Variants in EYA4 observed in about 807,000 individuals in gnomAD.
EYA4 encodes the protein EYA transcriptional coactivator and phosphatase 4, also known as protein phosphatase EYA4.
Under a neutral mutation model 87.9 loss-of-function variants are expected in EYA4, and 31 were observed. That is an observed-to-expected ratio of 0.35 (90% CI 0.27 to 0.48). The LOEUF (loss-of-function observed/expected upper bound fraction) is 0.48. EYA4 is among the 20% of genes least tolerant of loss of function. EYA4 has a pLI of 0.99. For synonymous variants in EYA4, 263 were observed against 270.6 expected (o/e 0.97, Z 0.28); for missense variants, 678 against 761.4 (o/e 0.89, Z 1.29).
At chr6:133,260,080 C>T (rs765836865) in intron 1 of EYA4, among the ~76,000 whole-genome samples, 1 of 151,818 alleles carries the variant, frequency 6.6e-6, no homozygotes, top group African/African-American at 2.4e-5. Flanking sequence ...ATATTTTTTT[C>T]GTGTGTGGCT....
chr6:133,472,918 C>A (rs1795398061), intron 11 of EYA4, among the ~76,000 whole-genome samples: 2 of 150,758 alleles, frequency 1.3e-5, no homozygotes, highest in Admixed American at 6.6e-5. Context: ...GATTGCAACC[C>A]CTGCCTTTTT....
At chr6:133,384,068 T>G (rs1351846556) in intron 3 of EYA4, among the ~76,000 whole-genome samples, 19 of 152,220 alleles carry the variant, frequency 1.2e-4, no homozygotes, top group Admixed American at 1.0e-3. Flanking sequence ...ATATTTCATA[T>G]CAAAATTTTT....
intron 2 of EYA4, among the ~76,000 whole-genome samples, chr6:133,347,596 T>C (rs1783291460): frequency 6.6e-6 from 1 of 152,202 alleles, no homozygotes; most frequent in Non-Finnish European, 1.5e-5. Flanking sequence ...GTAACAATTA[T>C]TGCTAACCCC....
chr6:133,356,598 T>C (rs1360189841), intron 2 of EYA4, among the ~76,000 whole-genome samples: 1 of 152,090 alleles, frequency 6.6e-6, no homozygotes, highest in African/African-American at 2.4e-5. Context: ...CAGTTACAGA[T>C]TTAGAAATGC....
chr6:133,445,413 T>C (rs898830868), intron 3 of EYA4, among the ~76,000 whole-genome samples: 2 of 152,168 alleles, frequency 1.3e-5, no homozygotes, highest in Admixed American at 1.3e-4. Context: ...TCTGGTATCT[T>C]TTCTTTGAGC....
chr6:133,491,814 T>C (rs1359674035), intron 13 of EYA4, among the ~76,000 whole-genome samples: 1 of 151,622 alleles, frequency 6.6e-6, no homozygotes, highest in East Asian at 1.9e-4. Context: ...TAGCCAGGCA[T>C]GGTGGCGGGT....
In EYA4 at chr6:133,440,724, A is replaced by C. The variant is rs1384534053; in HGVS notation, c.84-5906A>C. Reference sequence around the variant, plus strand: ...GAAGGGGAAATTGTGACAATAGTACAATAATCATTTCTGATACAAGAAACT... The same window carrying C: ...GAAGGGGAAATTGTGACAATAGTACCATAATCATTTCTGATACAAGAAACT... On this transcript the variant is annotated intron_variant, in intron 3 of 19. Coordinates refer to ENST00000355286, the MANE Select transcript of EYA4 (RefSeq NM_004100.5). 2.6e-5 allele frequency among the ~76,000 whole-genome samples: 4 copies of C among 152,204 alleles called. No individual in the cohort carries two copies. The East Asian group carries it at 7.7e-4, about 29-fold the overall frequency.
In EYA4 at chr6:133,322,232, A is replaced by G. The variant is rs1209418397; in HGVS notation, c.33+47419A>G. On this transcript the variant is annotated intron_variant, in intron 2 of 19. Coordinates refer to ENST00000355286, the MANE Select transcript of EYA4 (RefSeq NM_004100.5). Reference sequence around the variant, plus strand: ...ACACCCAGATACCTTTGAGAGTGACAGAAGACATTATTAGTAGTGATATAG... The same window carrying G: ...ACACCCAGATACCTTTGAGAGTGACGGAAGACATTATTAGTAGTGATATAG... Among the ~76,000 whole-genome samples the G allele has an allele frequency of 5.3e-5, 8 of 152,218 alleles. No homozygotes were observed. The South Asian group carries it at 1.4e-3, about 28-fold the overall frequency.
chr6:133,253,823 T>A (rs1054370561), intron 1 of EYA4, among the ~76,000 whole-genome samples: 2 of 152,140 alleles, frequency 1.3e-5, no homozygotes. Flanking sequence ...GCTCATTGTA[T>A]GTGTCTGTCT....
intron 1 of EYA4, among the ~76,000 whole-genome samples, chr6:133,251,482 A>G (rs1293477902): frequency 2.0e-5 from 3 of 152,226 alleles, no homozygotes; most frequent in Non-Finnish European, 4.4e-5. Flanking sequence ...GAAAAAGGAA[A>G]GTTAAAATAT....
In EYA4 at chr6:133,416,935, G is replaced by A. The variant is rs183382798; in HGVS notation, c.84-29695G>A. ...CCTCTGTGGTTACGCCACTGTGGGT[G>A]CAGGGTAGGTTTGGGTGTATGCCGA... On this transcript the variant is annotated intron_variant, in intron 3 of 19. Coordinates refer to ENST00000355286, the MANE Select transcript of EYA4 (RefSeq NM_004100.5). Among the ~76,000 whole-genome samples, 3 of 152,332 alleles carry A rather than the reference G, an allele frequency of 2.0e-5. No individual in the cohort carries two copies. The East Asian group carries it at 5.8e-4, about 29-fold the overall frequency.
intron 18 of EYA4, 112 bp from the exon 19 acceptor site, chr6:133,525,042 T>G: frequency 6.2e-7 from 1 of 1,613,648 alleles, no homozygotes; most frequent in Non-Finnish European, 8.5e-7. Flanking sequence ...GAGCGTATAG[T>G]GTCCAGATTT....
rs566211478 is a variant in EYA4, at chr6:133,363,965, C to G, written c.34-18427C>G. On this transcript the variant is annotated intron_variant, in intron 2 of 19. Transcript: ENST00000355286. ...GCAGCTCTAATCTCCCACTCTGCTG[C>G]CTGATTCACCAAGGTTCCCCTAAGT... is the stretch of plus-strand genomic sequence containing the variant. Among the ~76,000 whole-genome samples the G allele has an allele frequency of 5.3e-5, 8 of 152,322 alleles. No individual in the cohort carries two copies. The South Asian group carries it at 1.4e-3, about 28-fold the overall frequency.
intron 1 of EYA4, among the ~76,000 whole-genome samples, chr6:133,267,831 T>G (rs1776352349): frequency 6.6e-6 from 1 of 152,214 alleles, no homozygotes; most frequent in African/African-American, 2.4e-5. Flanking sequence ...ACGAGTTTTT[T>G]TGGGGAAAGG....
chr6:133,400,881 G>C (rs909595405), intron 3 of EYA4, among the ~76,000 whole-genome samples: 1 of 152,034 alleles, frequency 6.6e-6, no homozygotes, highest in Non-Finnish European at 1.5e-5. Context: ...GCATAACAGT[G>C]GAGAGAAAGT....
At position 133,530,484 on chromosome 6, in the gene EYA4, T is replaced by A; in HGVS notation, c.*1679T>A. ...TGCACCTGCAGTTCTGTGTTTAAAATGTCATAATGTGGATCCTGGAGTCAG... is the reference window on the plus strand; with the variant it reads ...TGCACCTGCAGTTCTGTGTTTAAAAAGTCATAATGTGGATCCTGGAGTCAG... On this transcript the variant is annotated 3_prime_UTR_variant, in exon 20 of 20. Coordinates refer to ENST00000355286, the MANE Select transcript of EYA4 (RefSeq NM_004100.5). 1.0e-6 allele frequency: 1 copy of A among 985,832 alleles called. No homozygotes were observed. The highest frequency in any genetic ancestry group is 1.2e-6 in the Non-Finnish European group (1 of 829,924). The allele number at this position is 985,832 out of a possible 1,614,324, so 61.1% of individuals were successfully genotyped here. A position where few individuals can be genotyped will look rare whatever the true frequency, so the allele number is the denominator to read the frequency against.
intron 2 of EYA4, among the ~76,000 whole-genome samples, chr6:133,359,495 C>T (rs1562328000): frequency 6.6e-6 from 1 of 152,250 alleles, no homozygotes; most frequent in East Asian, 1.9e-4. Context: ...CATTTGATTT[C>T]AGCAATTCCC....
chr6:133,391,216 G>GTTTTTTT lies in EYA4; in HGVS notation c.83+8780_83+8781insTTTTTTT, dbSNP rs1171912624. 4.1e-3 allele frequency among the ~76,000 whole-genome samples: 282 copies of GTTTTTTT among 68,896 alleles called. 5 individuals carry two copies. The highest frequency in any genetic ancestry group is 6.4e-3 in the Non-Finnish European group (183 of 28,414). The allele number at this position is 68,896 out of a possible 152,430, so 45.2% of individuals were successfully genotyped here. A position where few individuals can be genotyped will look rare whatever the true frequency, so the allele number is the denominator to read the frequency against. On this transcript the variant is annotated intron_variant, in intron 3 of 19. Transcript: ENST00000355286. ...TAGTATCTATTATTTTTTGGGTTTT[G>GTTTTTTT]TTTTTGTTTTTTTTTTTTTTTTGAG... is the stretch of plus-strand genomic sequence containing the variant.
chr6:133,336,920 G>T (rs993046598), intron 2 of EYA4, among the ~76,000 whole-genome samples: 4 of 152,046 alleles, frequency 2.6e-5, no homozygotes, highest in Non-Finnish European at 4.4e-5. Flanking sequence ...TAGATGGCAG[G>T]CTGGGTAGTT....
Sources: allele counts gnomAD v4.1 joint callset (sites outside exome capture counted in the v4.1 genomes callset), GRCh38; gene constraint gnomAD v4.1.1; transcripts MANE v1.5; gene names NCBI Gene and HGNC (gene_info 2026-07-23, HGNC 2026-07-21).